The following RASEF variants were observed in gnomAD, a reference collection of about 807,000 sequenced individuals.
RASEF encodes the protein RAS and EF-hand domain containing.
A neutral mutation model predicts 90.1 loss-of-function variants in RASEF; 68 were observed. The observed-to-expected ratio is 0.75, with a 90% CI of 0.62 to 0.92. The LOEUF is 0.92. RASEF is among the 40% of genes least tolerant of loss of function. The pLI, the probability that RASEF is intolerant of heterozygous loss-of-function variation, is 0.00. For missense variants in RASEF, 949 were observed against 937.2 expected (o/e 1.01, Z -0.16); for synonymous variants, 331 against 345.2 (o/e 0.96, Z 0.46).
rs183142709 is a variant in RASEF, at chr9:83,038,492, C to T, written c.432-12571G>A. On this transcript the variant is annotated intron_variant, in intron 1 of 16. Transcript: ENST00000376447. The stretch of plus-strand genomic sequence containing the variant: ...AATATTATAGAAAAAATTAAGAATA[C>T]GACCACATTGAACGAAGATGTATTC... Among the ~76,000 whole-genome samples the T allele has an allele frequency of 5.2e-3, 785 of 152,134 alleles. 5 individuals carry two copies. Among genetic ancestry groups the T allele is most frequent in the African/African-American group, 0.018 (755 of 41,508 alleles).
intron 2 of RASEF, 79 bp from the exon 3 acceptor site, chr9:83,022,505 G>T: frequency 2.0e-6 from 2 of 1,008,796 alleles, no homozygotes; most frequent in South Asian, 1.3e-5. Flanking sequence ...ATTCATCTAC[G>T]TTAAGCCCTA....
chr9:83,144,325 AGG>A, the RASEF span, among the ~76,000 whole-genome samples: 3 of 114,892 alleles, frequency 2.6e-5, no homozygotes, highest in African/African-American at 1.2e-4. Flanking sequence ...GAAAGAAAGA[AGG>A]AAAGAAAGAA....
At chr9:83,115,396 T>C in the RASEF span, among the ~76,000 whole-genome samples, 1 of 152,122 alleles carries the variant, frequency 6.6e-6, no homozygotes, top group African/African-American at 2.4e-5. Flanking sequence ...AACCAAGTAA[T>C]CAAAGATAAG....
chr9:83,025,714 C>T (rs1173021090), intron 2 of RASEF, 61 bp downstream of exon 2: 3 of 1,544,946 alleles, frequency 1.9e-6, no homozygotes, highest in African/African-American at 2.7e-5. Flanking sequence ...CCATTTGCCA[C>T]CCAGGTCAGA....
chr9:83,119,984 C>T, the RASEF span, among the ~76,000 whole-genome samples: 3 of 152,186 alleles, frequency 2.0e-5, no homozygotes, highest in Admixed American at 6.5e-5. Flanking sequence ...GAAAGAAGAA[C>T]GCGTGCTTGT....
the RASEF span, among the ~76,000 whole-genome samples, chr9:83,070,319 G>T: frequency 2.6e-5 from 4 of 152,068 alleles, no homozygotes; most frequent in African/African-American, 9.7e-5. Flanking sequence ...TGAATAAAAA[G>T]TTGAAGTTCA....
chr9:83,003,618 A>C (rs1181668579), intron 9 of RASEF, among the ~76,000 whole-genome samples: 1 of 152,212 alleles, frequency 6.6e-6, no homozygotes, highest in Non-Finnish European at 1.5e-5. Flanking sequence ...GAACAGTAGA[A>C]ACCACTTAAA....
the RASEF span, among the ~76,000 whole-genome samples, chr9:83,172,014 GA>G: frequency 1.3e-5 from 2 of 151,728 alleles, no homozygotes; most frequent in Admixed American, 6.6e-5. Context: ...TTGTTTATTT[GA>G]AGTCTTTCTA....
At chr9:83,013,096 C>G (rs910072979) in intron 4 of RASEF, among the ~76,000 whole-genome samples, 5 of 152,200 alleles carry the variant, frequency 3.3e-5, no homozygotes, top group Non-Finnish European at 7.3e-5. Context: ...TGATGATTAA[C>G]TCATTTCTAC....
At chr9:83,049,503 A>G (rs1004321902) in intron 1 of RASEF, among the ~76,000 whole-genome samples, 1 of 148,530 alleles carries the variant, frequency 6.7e-6, no homozygotes, top group East Asian at 2.0e-4. Flanking sequence ...CACATGGCTC[A>G]ATGCACAGCC....
the RASEF span, among the ~76,000 whole-genome samples, chr9:83,112,027 TATG>T: frequency 6.6e-6 from 1 of 151,994 alleles, no homozygotes; most frequent in Non-Finnish European, 1.5e-5. Context: ...TAATCGAACT[TATG>T]ATAAATAAAT....
At chr9:83,005,956 T>C (rs182843935) in intron 7 of RASEF, among the ~76,000 whole-genome samples, 1 of 152,342 alleles carries the variant, frequency 6.6e-6, no homozygotes, top group Admixed American at 6.5e-5. Flanking sequence ...TACCGTCGTG[T>C]AGCAGGTAAA....
the RASEF span, among the ~76,000 whole-genome samples, chr9:83,164,985 G>C: frequency 6.6e-6 from 1 of 151,894 alleles, no homozygotes; most frequent in Non-Finnish European, 1.5e-5. Context: ...CCTAACATCA[G>C]AGAATCAAAA....
chr9:83,069,183 A>G, the RASEF span, among the ~76,000 whole-genome samples: 2 of 152,324 alleles, frequency 1.3e-5, no homozygotes, highest in East Asian at 3.9e-4. Flanking sequence ...TTAATGAGGT[A>G]AAATTTACAT....
the RASEF span, among the ~76,000 whole-genome samples, chr9:83,166,807 A>G: frequency 6.6e-6 from 1 of 152,186 alleles, no homozygotes; most frequent in Non-Finnish European, 1.5e-5. Flanking sequence ...TGTAGTGCAG[A>G]GGAACCCAAG....
At chr9:83,016,435 C>A (rs1208317449) in intron 3 of RASEF, among the ~76,000 whole-genome samples, 1 of 151,104 alleles carries the variant, frequency 6.6e-6, no homozygotes, top group South Asian at 2.1e-4. Flanking sequence ...CAGTAAGGCA[C>A]CCCAGGTCAG....
At chr9:83,077,793 G>A in the RASEF span, among the ~76,000 whole-genome samples, 15 of 152,238 alleles carry the variant, frequency 9.9e-5, no homozygotes, top group African/African-American at 3.1e-4. Flanking sequence ...ACCATGACAC[G>A]TTAATTTTGC....
In RASEF at chr9:83,046,623, A is replaced by T. The variant is rs116283496; in HGVS notation, c.431+15814T>A. 2.4e-3 allele frequency among the ~76,000 whole-genome samples: 372 copies of T among 152,350 alleles called. 2 individuals are homozygous for T. Among genetic ancestry groups the T allele is most frequent in the African/African-American group, 8.7e-3 (363 of 41,570 alleles). Reference sequence around the variant, plus strand: ...GCATTCCCATCAGAAAACATGACACAGGAGTATCCTAAAATGGATTTTCTA... The same window carrying T: ...GCATTCCCATCAGAAAACATGACACTGGAGTATCCTAAAATGGATTTTCTA... On this transcript the variant is annotated intron_variant, in intron 1 of 16. Transcript: ENST00000376447.
chr9:83,025,964 TA>T, intron 1 of RASEF, 43 bp from the exon 2 acceptor site: 1 of 1,437,010 alleles, frequency 7.0e-7, no homozygotes, highest in Non-Finnish European at 9.4e-7. Flanking sequence ...TATAAAATTT[TA>T]AAGGCAACTC....
Sources: gnomAD v4.1 joint callset for allele counts (sites outside exome capture counted in the v4.1 genomes callset) on GRCh38, gnomAD v4.1.1 for gene constraint, MANE v1.5 for transcripts, NCBI Gene and HGNC (gene_info 2026-07-23, HGNC 2026-07-21) for gene names.